The following UBE2V2 variants were observed in gnomAD, a reference collection of about 807,000 sequenced individuals.
UBE2V2 encodes the protein ubiquitin-conjugating enzyme E2 variant 2.
A neutral mutation model predicts 17.2 loss-of-function variants in UBE2V2; 9 were observed. The ratio of observed to expected loss-of-function variants is 0.52; its 90% confidence interval spans 0.32 to 0.91. The LOEUF (loss-of-function observed/expected upper bound fraction) is 0.91, where lower values mean the gene tolerates loss of function less well. Ranked by LOEUF, UBE2V2 falls within the 40% of genes least tolerant of loss-of-function variation. The pLI is 0.04. For missense variants in UBE2V2, 133 were observed against 182.6 expected, an observed-to-expected ratio of 0.73 and a Z score of 1.56; for synonymous variants, 61 against 57.5, an observed-to-expected ratio of 1.06 and a Z score of -0.28.
chr8:48,048,168 C>A (rs545792423), intron 2 of UBE2V2, among the ~76,000 whole-genome samples: 2 of 152,056 alleles, frequency 1.3e-5, no homozygotes, highest in African/African-American at 4.8e-5. Context: ...GAGAGATTTG[C>A]GTGTTGTAGA....
At chr8:48,005,942 A>T (rs2091180204), upstream of UBE2V2, among the ~76,000 whole-genome samples, 2 of 152,122 alleles carry the variant, frequency 1.3e-5, no homozygotes, top group East Asian at 1.9e-4. Flanking sequence ...GATTGCAAAA[A>T]TTTTCTCCCA....
chr8:47,997,837 TG>T, the UBE2V2 span, among the ~76,000 whole-genome samples: 1 of 150,590 alleles, frequency 6.6e-6, no homozygotes, highest in South Asian at 2.1e-4. Context: ...AGGCATACGG[TG>T]GGGGGGTCAT....
chr8:48,004,125 C>T (rs1189124148), upstream of UBE2V2, among the ~76,000 whole-genome samples: 1 of 152,120 alleles, frequency 6.6e-6, no homozygotes, highest in African/African-American at 2.4e-5. Flanking sequence ...TTAGAAATGG[C>T]TCTTCAGATA....
At chr8:48,008,683 C>T (rs915327201) in intron 1 of UBE2V2, 3 of 431,452 alleles carry the variant, frequency 7.0e-6, no homozygotes, top group Non-Finnish European at 9.7e-6. Flanking sequence ...GCGCGTCGGC[C>T]GCGCGCCGGC....
chr8:48,039,253 C>CATATGTAT (rs1259782834), intron 1 of UBE2V2, among the ~76,000 whole-genome samples: 1 of 152,146 alleles, frequency 6.6e-6, no homozygotes, highest in African/African-American at 2.4e-5. Flanking sequence ...CTTTTTGCTA[C>CATATGTAT]ATATGTATAT....
At chr8:48,035,670 T>A (rs2091419013) in intron 1 of UBE2V2, among the ~76,000 whole-genome samples, 1 of 135,740 alleles carries the variant, frequency 7.4e-6, no homozygotes, top group Non-Finnish European at 1.6e-5. Flanking sequence ...TATATGTATG[T>A]ATGCTTTTTT....
intron 1 of UBE2V2, chr8:48,035,009 T>A (rs1450555421): frequency 1.9e-5 from 19 of 985,026 alleles, no homozygotes; most frequent in Non-Finnish European, 2.3e-5. Flanking sequence ...AATTCTTACA[T>A]GATGGTTGGC....
At position 48,018,780 on chromosome 8, in the gene UBE2V2, A is replaced by G. The variant is rs147598926; in HGVS notation, c.16+10310A>G. 6.8e-3 allele frequency among the ~76,000 whole-genome samples: 1,040 copies of G among 152,286 alleles called. 9 individuals are homozygous for G. The highest frequency in any genetic ancestry group is 0.025 in the South Asian group (119 of 4,824). On this transcript the variant is annotated intron_variant, in intron 1 of 3. Transcript: ENST00000523111. ...AATCTCCTACTGTTACTGTAGTACA[A>G]CCTATCTTTCAGATCTATTAATATT...
intron 1 of UBE2V2, 86 bp from the exon 2 acceptor site, chr8:48,042,947 G>C: frequency 2.3e-6 from 3 of 1,288,930 alleles, no homozygotes; most frequent in Non-Finnish European, 3.0e-6. Context: ...ATTTATAAAG[G>C]TTAATTTGGA....
chr8:48,018,661 A>G (rs1401154270), intron 1 of UBE2V2, among the ~76,000 whole-genome samples: 1 of 152,140 alleles, frequency 6.6e-6, no homozygotes, highest in Non-Finnish European at 1.5e-5. Flanking sequence ...TATGTCTTTT[A>G]GGTCCATTTG....
chr8:48,060,726 A>G lies in UBE2V2; in HGVS notation c.336A>G (p.Ser112=). The G allele has an allele frequency of 6.5e-7, 1 of 1,543,874 alleles. No individual in the cohort carries two copies. The highest frequency in any genetic ancestry group is 8.7e-7 in the Non-Finnish European group (1 of 1,147,906). The change falls in exon 4 of 4, where the codon TCA becomes TCG. Residue 112 remains serine, a synonymous_variant. Transcript: ENST00000523111. ...CAGTGTTAGCAAAATGGCAAAATTCATATAGCATTAAAGTTGTACTTCAAG... is the reference window on the plus strand; with the variant it reads ...CAGTGTTAGCAAAATGGCAAAATTCGTATAGCATTAAAGTTGTACTTCAAG... The part of the protein sequence containing the change: ...SIPVLAKWQN[S]YSIKVVLQEL...
chr8:48,020,720 C>T (rs2154506969), intron 1 of UBE2V2, among the ~76,000 whole-genome samples: 1 of 152,228 alleles, frequency 6.6e-6, no homozygotes, highest in South Asian at 2.1e-4. Context: ...GTCTTCTTGC[C>T]TCAGCCTTTG....
At chr8:48,023,727 T>A (rs1048777042) in intron 1 of UBE2V2, among the ~76,000 whole-genome samples, 6 of 151,630 alleles carry the variant, frequency 4.0e-5, no homozygotes, top group African/African-American at 1.5e-4. Flanking sequence ...CAAAAAAAAA[T>A]TAGCCAGGCA....
chr8:48,018,923 T>G (rs746551391), intron 1 of UBE2V2, among the ~76,000 whole-genome samples: 1 of 152,216 alleles, frequency 6.6e-6, no homozygotes, highest in Non-Finnish European at 1.5e-5. Flanking sequence ...TTTACAGTTT[T>G]TGATTTAAAA....
intron 2 of UBE2V2, 145 bp from the exon 3 acceptor site, chr8:48,049,708 T>C (rs2091522238): frequency 1.5e-6 from 1 of 677,296 alleles, no homozygotes; most frequent in East Asian, 3.4e-5. Context: ...GTGAAATAAA[T>C]TTGAATGTAG....
At chr8:48,050,018 G>A (rs757638307) in intron 3 of UBE2V2, 40 bp downstream of exon 3, 14 of 1,346,342 alleles carry the variant, frequency 1.0e-5, no homozygotes, top group Non-Finnish European at 1.4e-5. Flanking sequence ...ATAACATAAT[G>A]TATAGAGTTA....
chr8:48,028,837 G>A lies in UBE2V2; in HGVS notation c.17-14196G>A, dbSNP rs1431360267. On this transcript the variant is annotated intron_variant, in intron 1 of 3. Transcript: ENST00000523111. ...TTTGTCTTTTTATTGTTGAGTTATC[G>A]GAGTTCTTTATGTATTCTGGATACA... Among the ~76,000 whole-genome samples the A allele has an allele frequency of 3.9e-5, 6 of 152,170 alleles. No individual in the cohort carries two copies. In the East Asian group the frequency reaches 9.7e-4, roughly 25 times the overall value.
At chr8:48,047,675 A>C (rs369966917) in intron 2 of UBE2V2, among the ~76,000 whole-genome samples, 2 of 151,738 alleles carry the variant, frequency 1.3e-5, no homozygotes, top group East Asian at 3.9e-4. Context: ...CTCCTGCCTC[A>C]GCCTCCCGAC....
chr8:48,045,977 G>A (rs1469606057), intron 2 of UBE2V2, among the ~76,000 whole-genome samples: 1 of 152,016 alleles, frequency 6.6e-6, no homozygotes, highest in Non-Finnish European at 1.5e-5. Flanking sequence ...ACAGAGTTTG[G>A]CTCTTGTTGC....
Sources: allele counts gnomAD v4.1 joint callset (sites outside exome capture counted in the v4.1 genomes callset), GRCh38; gene constraint gnomAD v4.1.1; transcripts MANE v1.5; gene names NCBI Gene and HGNC (gene_info 2026-07-23, HGNC 2026-07-21).